Variants in EDA2R observed in about 807,000 individuals in gnomAD.
EDA2R encodes the protein tumor necrosis factor receptor superfamily member 27.
EDA2R carries 26 observed loss-of-function variants against 20.1 expected under a neutral mutation model. That is an observed-to-expected ratio of 1.30 (90% CI 0.95 to 1.80). The LOEUF (loss-of-function observed/expected upper bound fraction) is 1.80, where lower values mean the gene tolerates loss of function less well. Ranked by LOEUF, EDA2R falls within the 40% of genes most tolerant of loss-of-function variation. The pLI is 0.00. For synonymous variants in EDA2R, 114 were observed against 88.7 expected (o/e 1.29, Z -1.60); for missense variants, 277 against 228.7 (o/e 1.21, Z -1.36).
In EDA2R at chrX:66,600,398, G is replaced by T. The variant is rs141699440; in HGVS notation, c.518-538C>A. On this transcript the variant is annotated intron_variant, in intron 5 of 6. Coordinates refer to ENST00000374719, the MANE Select transcript of EDA2R (RefSeq NM_021783.5). The stretch of plus-strand genomic sequence containing the variant: ...AGTTTTGAAAATAGAAGGGGGCCAT[G>T]AGCCAAAGAATGTAAGTGGTCCTAG... 9.6e-4 allele frequency among the ~76,000 whole-genome samples: 107 copies of T among 111,725 alleles called. 1 individual carries two copies. In the East Asian group the frequency reaches 0.028, roughly 30 times the overall value.
chrX:66,623,422 T>C (rs1460279904), intron 1 of EDA2R, among the ~76,000 whole-genome samples: 2 of 111,780 alleles, frequency 1.8e-5, no homozygotes, highest in African/African-American at 6.5e-5. Flanking sequence ...GATGGCTCCC[T>C]CTTTCACTCA....
intron 1 of EDA2R, among the ~76,000 whole-genome samples, chrX:66,631,237 A>C (rs768354754): frequency 9.0e-6 from 1 of 110,760 alleles, no homozygotes; most frequent in East Asian, 2.9e-4. Context: ...CGAGGGATAA[A>C]ATACTACAAA....
At position 66,597,883 on chromosome X, in the gene EDA2R, C is replaced by A; in HGVS notation, c.*221G>T. 1 of 298,655 alleles carries A rather than the reference C, an allele frequency of 3.3e-6. No homozygotes were observed. The highest frequency in any genetic ancestry group is 5.0e-6 in the Non-Finnish European group (1 of 199,859). The allele number at this position is 298,655 out of a possible 1,213,427, so 24.6% of individuals were successfully genotyped here. On this transcript the variant is annotated 3_prime_UTR_variant, in exon 7 of 7. Coordinates refer to ENST00000374719, the MANE Select transcript of EDA2R (RefSeq NM_021783.5). ...GTAGTCCCATGAATGTGGAATCTGG[C>A]TCCCCAGACTACAAAAGGGAAGCAA...
intron 1 of EDA2R, among the ~76,000 whole-genome samples, chrX:66,636,939 AACACAC>A (rs35284589): frequency 1.9e-4 from 19 of 99,839 alleles, no homozygotes; most frequent in African/African-American, 2.5e-4. Context: ...CTGTGTGTAA[AACACAC>A]ACACACACAC....
intron 4 of EDA2R, among the ~76,000 whole-genome samples, chrX:66,603,556 T>G (rs1343122764): frequency 9.0e-6 from 1 of 111,584 alleles, no homozygotes; most frequent in East Asian, 2.8e-4. Context: ...TGGTCTAGAA[T>G]GCACAGTCAA....
intron 4 of EDA2R, among the ~76,000 whole-genome samples, chrX:66,603,779 C>G (rs901935415): frequency 1.8e-5 from 2 of 111,479 alleles, no homozygotes; most frequent in African/African-American, 6.5e-5. Context: ...AATCTTTATT[C>G]TTTTAAAACA....
chrX:66,603,269 A>G (rs1317226295), intron 4 of EDA2R, among the ~76,000 whole-genome samples: 1 of 112,502 alleles, frequency 8.9e-6, no homozygotes, highest in Non-Finnish European at 1.9e-5. Flanking sequence ...ATTATACAAT[A>G]CATAACAATA....
chrX:66,616,613 C>T (rs759496747), intron 1 of EDA2R, among the ~76,000 whole-genome samples: 2 of 112,710 alleles, frequency 1.8e-5, no homozygotes, highest in Non-Finnish European at 3.8e-5. Context: ...CAATACCTGC[C>T]ATAGCTTCTG....
chrX:66,599,239 G>C (rs1928043661), intron 6 of EDA2R, among the ~76,000 whole-genome samples: 1 of 111,185 alleles, frequency 9.0e-6, no homozygotes, highest in Admixed American at 9.6e-5. Context: ...TGGAGAGACT[G>C]GTATCATGAC....
intron 1 of EDA2R, among the ~76,000 whole-genome samples, chrX:66,625,460 C>T (rs773288418): frequency 9.0e-6 from 1 of 111,029 alleles, no homozygotes; most frequent in East Asian, 2.9e-4. Flanking sequence ...AGGTACACAA[C>T]TCCATGGATC....
chrX:66,631,608 C>G (rs1933821967), intron 1 of EDA2R, among the ~76,000 whole-genome samples: 1 of 111,360 alleles, frequency 9.0e-6, no homozygotes. Flanking sequence ...AACCTGAGTG[C>G]ATTTTAAATA....
chrX:66,629,712 C>T (rs995503981), intron 1 of EDA2R, among the ~76,000 whole-genome samples: 5 of 111,816 alleles, frequency 4.5e-5, no homozygotes, highest in Admixed American at 3.8e-4. Flanking sequence ...CAAATGGAAA[C>T]ATCCCATGCT....
intron 1 of EDA2R, among the ~76,000 whole-genome samples, chrX:66,637,841 A>G (rs1163505362): frequency 1.8e-5 from 2 of 112,003 alleles, no homozygotes; most frequent in Non-Finnish European, 3.8e-5. Flanking sequence ...ATTATTATCC[A>G]CTTTAGCCTG....
intron 1 of EDA2R, among the ~76,000 whole-genome samples, chrX:66,623,498 T>A (rs954400194): frequency 1.8e-5 from 2 of 111,918 alleles, no homozygotes; most frequent in African/African-American, 6.5e-5. Context: ...TGTAAAAACA[T>A]AAAATATACA....
intron 2 of EDA2R, among the ~76,000 whole-genome samples, chrX:66,612,033 A>G (rs943392616): frequency 8.9e-6 from 1 of 112,206 alleles, no homozygotes; most frequent in Non-Finnish European, 1.9e-5. Context: ...TACATTTTTC[A>G]AGTACTGAAA....
chrX:66,610,314 C>CACACAG (rs1276536402), intron 2 of EDA2R, among the ~76,000 whole-genome samples: 4 of 109,108 alleles, frequency 3.7e-5, no homozygotes, highest in East Asian at 2.9e-4. Flanking sequence ...CACACACACA[C>CACACAG]AGATACATAT....
At chrX:66,629,281 A>C (rs923609072) in intron 1 of EDA2R, among the ~76,000 whole-genome samples, 2 of 111,754 alleles carry the variant, frequency 1.8e-5, no homozygotes, top group Non-Finnish European at 3.8e-5. Flanking sequence ...GGACTGGAAT[A>C]AGACAAGCAT....
intron 1 of EDA2R, among the ~76,000 whole-genome samples, chrX:66,621,047 C>G (rs975920913): frequency 9.2e-6 from 1 of 108,282 alleles, no homozygotes; most frequent in East Asian, 2.9e-4. Context: ...GAGGCCGAGG[C>G]AGGTGGATCA....
intron 5 of EDA2R, among the ~76,000 whole-genome samples, chrX:66,600,966 A>G (rs184625071): frequency 1.4e-3 from 158 of 112,268 alleles, no homozygotes; most frequent in African/African-American, 4.9e-3. Context: ...TGTGCTCTGT[A>G]GTTTGCCACA....
Sources: allele counts gnomAD v4.1 joint callset (sites outside exome capture counted in the v4.1 genomes callset), GRCh38; gene constraint gnomAD v4.1.1; transcripts MANE v1.5; gene names NCBI Gene and HGNC (gene_info 2026-07-23, HGNC 2026-07-21).